ZFP2: variants seen among roughly 807,000 people sequenced by gnomAD.
The protein encoded by ZFP2 is ZFP2 zinc finger protein.
A neutral mutation model predicts 36.1 loss-of-function variants in ZFP2; 33 were observed. The ratio of observed to expected loss-of-function variants is 0.92; its 90% confidence interval spans 0.69 to 1.22. The LOEUF is 1.22. ZFP2 is among the 50% of genes most tolerant of loss of function. The pLI, the probability that ZFP2 is intolerant of heterozygous loss-of-function variation, is 0.00. For missense variants in ZFP2, 522 were observed against 551.4 expected, an observed-to-expected ratio of 0.95 and a Z score of 0.53; for synonymous variants, 170 against 178.0, an observed-to-expected ratio of 0.96 and a Z score of 0.36.
Position 178,931,925 on chromosome 5 carries a change from T to G in ZFP2, c.612T>G (p.His204Gln). 2.5e-6 allele frequency: 4 copies of G among 1,613,944 alleles called. No individual in the cohort carries two copies. Among genetic ancestry groups the G allele is most frequent in the Non-Finnish European group, 3.4e-6 (4 of 1,179,968 alleles). ...ATAAGAATTCATCTCTTATTCAGCA[T>G]GAAAGGATTCATACTGGAGAGAAAC... ...AFHKNSSLIQ[H>Q]ERIHTGEKPY... The change falls in exon 5 of 5, where the codon CAT (histidine) becomes CAG (glutamine). Residue 204 changes from histidine (H) to glutamine (Q), a missense_variant. Coordinates refer to ENST00000361362, the MANE Select transcript of ZFP2 (RefSeq NM_030613.4).
chr5:178,926,321 G>C (rs899484301), intron 4 of ZFP2, among the ~76,000 whole-genome samples: 1 of 151,718 alleles, frequency 6.6e-6, no homozygotes, highest in Non-Finnish European at 1.5e-5. Context: ...TATTTTCTGT[G>C]TATAATTTAT....
chr5:178,932,459 T>C lies in ZFP2; in HGVS notation c.1146T>C (p.Tyr382=). ...HQVIHTGEKP[Y]ECNECGKAFS... ...TCATTCACACTGGAGAGAAACCTTA[T>C]GAGTGCAATGAATGTGGAAAGGCAT... The change falls in exon 5 of 5, where the codon TAT becomes TAC. Residue 382 remains tyrosine (Y), a synonymous_variant. Coordinates refer to ENST00000361362, the MANE Select transcript of ZFP2 (RefSeq NM_030613.4). The C allele has an allele frequency of 6.2e-7, 1 of 1,614,144 alleles. No individual in the cohort carries two copies. Among genetic ancestry groups the C allele is most frequent in the East Asian group, 2.2e-5 (1 of 44,874 alleles).
At chr5:178,922,107 T>C (rs1259112375) in intron 4 of ZFP2, 2 of 1,142,018 alleles carry the variant, frequency 1.8e-6, no homozygotes, top group East Asian at 4.6e-5. Context: ...ACCCATCTTT[T>C]ATGCATATTT....
chr5:178,902,495 A>G (rs765653101), intron 1 of ZFP2, among the ~76,000 whole-genome samples: 2 of 152,184 alleles, frequency 1.3e-5, no homozygotes, highest in Non-Finnish European at 2.9e-5. Flanking sequence ...TTTATCTAGA[A>G]AAGTTCATTA....
At position 178,931,448 on chromosome 5, in the gene ZFP2, A is replaced by G; in HGVS notation, c.135A>G (p.Val45=). The G allele has an allele frequency of 6.2e-7, 1 of 1,614,152 alleles. No individual in the cohort carries two copies. Among genetic ancestry groups the G allele is most frequent in the Non-Finnish European group, 8.5e-7 (1 of 1,180,028 alleles). ...THKETFTEMR[V]CGGNEFERCS... ...AGGAAACCTTCACTGAGATGAGAGT[A>G]TGTGGAGGTAATGAATTTGAAAGAT... is the stretch of plus-strand genomic sequence containing the variant. The change falls in exon 5 of 5, where the codon GTA becomes GTG. Residue 45 remains valine (V), a synonymous_variant. Transcript: ENST00000361362.
chr5:178,931,162 T>C, intron 4 of ZFP2, 75 bp from the exon 5 acceptor site: 1 of 1,398,058 alleles, frequency 7.2e-7, no homozygotes. Context: ...TTTAATTCTC[T>C]CATTCCTACC....
intron 1 of ZFP2, among the ~76,000 whole-genome samples, chr5:178,907,742 C>T (rs10035741): frequency 0.19 from 28,854 of 151,888 alleles, 2,986 homozygotes; most frequent in Non-Finnish European, 0.24. Flanking sequence ...CCAAGGCAAA[C>T]GAAACAAACA....
At chr5:178,928,801 C>G (rs564951987) in intron 4 of ZFP2, among the ~76,000 whole-genome samples, 1 of 152,350 alleles carries the variant, frequency 6.6e-6, no homozygotes, top group African/African-American at 2.4e-5. Flanking sequence ...TACATGGCGG[C>G]TCCAATGCCA....
chr5:178,896,654 T>C (rs1040316179), intron 1 of ZFP2, among the ~76,000 whole-genome samples: 1 of 152,192 alleles, frequency 6.6e-6, no homozygotes, highest in African/African-American at 2.4e-5. Flanking sequence ...AACTGGAAAA[T>C]TGAGATTAAA....
chr5:178,922,237 A>G (rs1263697197), intron 4 of ZFP2: 5 of 1,063,564 alleles, frequency 4.7e-6, no homozygotes, highest in South Asian at 1.2e-5. Flanking sequence ...GTCTAGTACT[A>G]TATTTAGTAG....
chr5:178,904,013 AAG>A (rs946199475), intron 1 of ZFP2, among the ~76,000 whole-genome samples: 5 of 151,054 alleles, frequency 3.3e-5, no homozygotes, highest in East Asian at 3.9e-4. Flanking sequence ...AGAAAAAAAA[AAG>A]AAAAGTTTTC....
At position 178,932,329 on chromosome 5, in the gene ZFP2, C is replaced by A; in HGVS notation, c.1016C>A (p.Ser339Ter). The change falls in exon 5 of 5, where the codon TCA (serine) becomes TAA (stop). Residue 339 changes from serine to a stop codon, truncating the protein, a stop_gained. Transcript: ENST00000361362. LOFTEE classifies it high-confidence loss of function. ...TGTGGAAAAGCTTTCAGTAAGAATT[C>A]ATCTCTAACTCAACATCGGAGAATT... is the stretch of plus-strand genomic sequence containing the variant. ...NECGKAFSKN[S>*]SLTQHRRIHT... 6.2e-7 allele frequency: 1 copy of A among 1,614,158 alleles called. No homozygotes were observed. Among genetic ancestry groups the A allele is most frequent in the South Asian group, 1.1e-5 (1 of 91,076 alleles).
At chr5:178,929,951 G>C (rs1420874939) in intron 4 of ZFP2, among the ~76,000 whole-genome samples, 3 of 149,384 alleles carry the variant, frequency 2.0e-5, no homozygotes, top group East Asian at 3.9e-4. Context: ...GTGGGGGGGG[G>C]GGCTCAGGAG....
chr5:178,927,802 G>T (rs11959507), intron 4 of ZFP2, among the ~76,000 whole-genome samples: 1 of 151,212 alleles, frequency 6.6e-6, no homozygotes, highest in African/African-American at 2.4e-5. Flanking sequence ...CTCCCAAAGC[G>T]CTGGGATTAC....
At chr5:178,899,561 C>T (rs1051543990) in intron 1 of ZFP2, among the ~76,000 whole-genome samples, 3 of 151,604 alleles carry the variant, frequency 2.0e-5, no homozygotes, top group South Asian at 4.2e-4. Flanking sequence ...GACCAAGTGT[C>T]GGGAAGGAGG....
At position 178,925,045 on chromosome 5, in the gene ZFP2, A is replaced by G. The variant is rs1311228420; in HGVS notation, c.-77-6192A>G. On this transcript the variant is annotated intron_variant, in intron 4 of 4. Transcript: ENST00000361362. Reference sequence around the variant, plus strand: ...CCCTCTCTTTATACTATTGCCATTTATCATTGAATCTCTAAACAATATATC... The same window carrying G: ...CCCTCTCTTTATACTATTGCCATTTGTCATTGAATCTCTAAACAATATATC... Among the ~76,000 whole-genome samples the G allele has an allele frequency of 2.1e-5, 3 of 146,034 alleles. No homozygotes were observed. In the East Asian group the frequency reaches 5.8e-4, roughly 28 times the overall value.
intron 4 of ZFP2, among the ~76,000 whole-genome samples, chr5:178,927,796 C>A (rs1207775834): frequency 6.6e-6 from 1 of 151,528 alleles, no homozygotes; most frequent in Non-Finnish European, 1.5e-5. Flanking sequence ...CTCAGCCTCC[C>A]AAAGCGCTGG....
chr5:178,914,779 A>G (rs1311882002), intron 3 of ZFP2, among the ~76,000 whole-genome samples: 4 of 152,272 alleles, frequency 2.6e-5, no homozygotes, highest in Non-Finnish European at 4.4e-5. Context: ...CAGGAGTGTG[A>G]TTTTACAGGG....
chr5:178,910,264 A>G (rs1200430697), intron 1 of ZFP2: 4 of 1,508,320 alleles, frequency 2.7e-6, no homozygotes, highest in Admixed American at 3.3e-5. Context: ...GGGTCGACAC[A>G]TAGGTCATTG....
Sources: gnomAD v4.1 joint callset for allele counts (sites outside exome capture counted in the v4.1 genomes callset) on GRCh38, gnomAD v4.1.1 for gene constraint, MANE v1.5 for transcripts, NCBI Gene and HGNC (gene_info 2026-07-23, HGNC 2026-07-21) for gene names.